The following CIRSR variants were observed in gnomAD, a reference collection of about 807,000 sequenced individuals.
The protein encoded by CIRSR is corepressor of RBPJ and splicing regulator, also known as CBF1 (RBPJ) interacting corepressor 1.
chr2:174,381,598 A>G, the CIRSR span: 10 of 730,174 alleles, frequency 1.4e-5, no homozygotes, highest in Admixed American at 2.7e-5. Context: ...TGGAGGTTGT[A>G]GTGTGCTGAG....
At chr2:174,378,769 T>A in the CIRSR span, 1 of 674,680 alleles carries the variant, frequency 1.5e-6, no homozygotes. Flanking sequence ...GAGTTTCCCA[T>A]TAATCATATT....
the CIRSR span, among the ~76,000 whole-genome samples, chr2:174,360,363 C>T: frequency 3.1e-4 from 47 of 152,196 alleles, no homozygotes; most frequent in South Asian, 6.2e-4. Flanking sequence ...ATTATACATT[C>T]AGAAGAGATT....
At chr2:174,360,020 C>T in the CIRSR span, among the ~76,000 whole-genome samples, 2 of 151,994 alleles carry the variant, frequency 1.3e-5, no homozygotes, top group African/African-American at 2.4e-5. Flanking sequence ...TGAGAACACT[C>T]GGACACAGGA....
At chr2:174,355,903 G>T in the CIRSR span, among the ~76,000 whole-genome samples, 1 of 152,148 alleles carries the variant, frequency 6.6e-6, no homozygotes, top group Non-Finnish European at 1.5e-5. Context: ...GACTAAAGCT[G>T]AAGTCAAAGA....
chr2:174,390,280 T>C, the CIRSR span, among the ~76,000 whole-genome samples: 1 of 152,262 alleles, frequency 6.6e-6, no homozygotes, highest in Admixed American at 6.5e-5. Flanking sequence ...ACACCCTGGA[T>C]ATGAGACATG....
the CIRSR span, among the ~76,000 whole-genome samples, chr2:174,381,540 C>T: frequency 1.1e-4 from 16 of 151,912 alleles, no homozygotes; most frequent in Non-Finnish European, 2.2e-4. Context: ...GTAATCCCAA[C>T]TACTCGGGAG....
At chr2:174,382,537 G>A in the CIRSR span, among the ~76,000 whole-genome samples, 1 of 152,142 alleles carries the variant, frequency 6.6e-6, no homozygotes, top group Admixed American at 6.5e-5. Flanking sequence ...TACTCGGGAG[G>A]CTGAGGCAGG....
chr2:174,380,377 C>A, the CIRSR span: 1 of 692,630 alleles, frequency 1.4e-6, no homozygotes, highest in Non-Finnish European at 2.3e-6. Context: ...AGTAAGAATA[C>A]AGAACTATAA....
At chr2:174,389,084 A>G in the CIRSR span, among the ~76,000 whole-genome samples, 25 of 152,316 alleles carry the variant, frequency 1.6e-4, no homozygotes, top group African/African-American at 5.5e-4. Context: ...GTGAGAATAG[A>G]CTAATATAGT....
At chr2:174,370,645 T>C in the CIRSR span, among the ~76,000 whole-genome samples, 1 of 152,346 alleles carries the variant, frequency 6.6e-6, no homozygotes, top group African/African-American at 2.4e-5. Context: ...CTGGGCACCA[T>C]GGCTCACGCC....
chr2:174,348,390 G>C, the CIRSR span: 1 of 1,478,854 alleles, frequency 6.8e-7, no homozygotes, highest in Admixed American at 2.5e-5. Context: ...TTATTAGAAA[G>C]ACAACAGTAC....
At chr2:174,377,846 A>AC in the CIRSR span, among the ~76,000 whole-genome samples, 6 of 151,406 alleles carry the variant, frequency 4.0e-5, no homozygotes, top group African/African-American at 4.8e-5. Context: ...AAAAAAAAAA[A>AC]ACCAAACTTA....
chr2:174,362,219 T>C, the CIRSR span, among the ~76,000 whole-genome samples: 1 of 151,990 alleles, frequency 6.6e-6, no homozygotes, highest in African/African-American at 2.4e-5. Flanking sequence ...GGTGGGAGGA[T>C]TGCTTGAGCC....
the CIRSR span, chr2:174,370,051 G>C: frequency 7.3e-7 from 1 of 1,360,550 alleles, no homozygotes; most frequent in Non-Finnish European, 9.8e-7. Flanking sequence ...GATCAAATAA[G>C]GCATGCCTGC....
At chr2:174,391,156 A>G in the CIRSR span, among the ~76,000 whole-genome samples, 1 of 152,194 alleles carries the variant, frequency 6.6e-6, no homozygotes, top group Non-Finnish European at 1.5e-5. Context: ...TTTGCTATTA[A>G]AAATTTTGCT....
the CIRSR span, chr2:174,387,572 A>G: frequency 8.6e-7 from 1 of 1,166,330 alleles, no homozygotes; most frequent in East Asian, 2.8e-5. Flanking sequence ...AAAGACACGA[A>G]TCCTATAATT....
At chr2:174,390,665 G>C in the CIRSR span, among the ~76,000 whole-genome samples, 1 of 150,376 alleles carries the variant, frequency 6.6e-6, no homozygotes, top group African/African-American at 2.5e-5. Context: ...ATCTCATCTT[G>C]AATTGTAGTT....
At chr2:174,392,484 G>C in the CIRSR span, among the ~76,000 whole-genome samples, 1 of 152,214 alleles carries the variant, frequency 6.6e-6, no homozygotes, top group Admixed American at 6.5e-5. Flanking sequence ...GTAGTGAATG[G>C]ATTTGAGAGG....
chr2:174,354,232 GTA>G, the CIRSR span, among the ~76,000 whole-genome samples: 1 of 150,136 alleles, frequency 6.7e-6, no homozygotes, highest in African/African-American at 2.5e-5. Context: ...CTTTCACAAT[GTA>G]TGACTGTAAA....
Sources: gnomAD v4.1 joint callset for allele counts (sites outside exome capture counted in the v4.1 genomes callset) on GRCh38, gnomAD v4.1.1 for gene constraint, MANE v1.5 for transcripts, NCBI Gene and HGNC (gene_info 2026-07-23, HGNC 2026-07-21) for gene names.